RPN2: variants seen among roughly 807,000 people sequenced by gnomAD.
RPN2 encodes the protein dolichyl-diphosphooligosaccharide--protein glycosyltransferase subunit 2.
A neutral mutation model predicts 71.4 loss-of-function variants in RPN2; 29 were observed. The ratio of observed to expected loss-of-function variants is 0.41; its 90% CI spans 0.30 to 0.55. RPN2 has a LOEUF of 0.55. RPN2 is among the 20% of genes least tolerant of loss of function. The probability of loss-of-function intolerance (pLI) is 0.35; values close to 1 mark genes in which losing one functional copy is unlikely to be tolerated. For synonymous variants in RPN2, 308 were observed against 305.0 expected (o/e 1.01, Z -0.10); for missense variants, 726 against 774.1 (o/e 0.94, Z 0.74).
At chr20:37,189,466 C>A (rs1446078199) in intron 2 of RPN2, among the ~76,000 whole-genome samples, 2 of 152,040 alleles carry the variant, frequency 1.3e-5, no homozygotes, top group Admixed American at 1.3e-4. Context: ...ACCAACTGGT[C>A]CTTTACAGAA....
chr20:37,208,888 A>T (rs2067585314), intron 7 of RPN2, among the ~76,000 whole-genome samples: 1 of 152,204 alleles, frequency 6.6e-6, no homozygotes, highest in Admixed American at 6.5e-5. Flanking sequence ...GCCCCTGCAG[A>T]TATCCTCCTG....
chr20:37,209,545 A>G (rs1317489574), intron 7 of RPN2, among the ~76,000 whole-genome samples: 1 of 151,612 alleles, frequency 6.6e-6, no homozygotes, highest in Non-Finnish European at 1.5e-5. Context: ...ATCATAGCTC[A>G]TGCTAACTCT....
intron 1 of RPN2, among the ~76,000 whole-genome samples, chr20:37,181,341 C>T (rs1473904675): frequency 1.3e-5 from 2 of 152,080 alleles, no homozygotes; most frequent in African/African-American, 2.4e-5. Context: ...TTGCTTATTC[C>T]ACTCAAGCTG....
At position 37,228,604 on chromosome 20, in the gene RPN2, G is replaced by C; in HGVS notation, c.1354G>C (p.Glu452Gln). ...KTGQEVVFVA[E>Q]PDNKNVYKFE... ...TGGCCAGGAAGTGGTGTTTGTTGCCGAGCCAGACAACAAGAACGTGTACAA... is the reference window on the plus strand; with the variant it reads ...TGGCCAGGAAGTGGTGTTTGTTGCCCAGCCAGACAACAAGAACGTGTACAA... The change falls in exon 12 of 17, where the codon GAG becomes CAG. Residue 452 changes from glutamate to glutamine, a missense_variant. By Grantham distance (29) the Glu-to-Gln change is conservative. Coordinates refer to ENST00000237530, the MANE Select transcript of RPN2 (RefSeq NM_002951.5). 8 of 1,614,192 alleles carry C rather than the reference G, an allele frequency of 5.0e-6. No individual in the cohort carries two copies. The highest frequency in any genetic ancestry group is 6.8e-6 in the Non-Finnish European group (8 of 1,180,026).
intron 9 of RPN2, among the ~76,000 whole-genome samples, chr20:37,222,010 G>T (rs1600820697): frequency 6.6e-6 from 1 of 152,348 alleles, no homozygotes; most frequent in East Asian, 1.9e-4. Flanking sequence ...GCTCTCAGCA[G>T]GTGTCAAATC....
intron 9 of RPN2, among the ~76,000 whole-genome samples, chr20:37,218,527 G>A (rs2067872502): frequency 6.9e-6 from 1 of 145,906 alleles, no homozygotes; most frequent in Admixed American, 7.1e-5. Flanking sequence ...GGTCAGCATG[G>A]GGAAACCCCG....
intron 9 of RPN2, among the ~76,000 whole-genome samples, chr20:37,220,434 G>A (rs1348792184): frequency 1.3e-5 from 2 of 152,034 alleles, no homozygotes; most frequent in Non-Finnish European, 2.9e-5. Flanking sequence ...CATCGGTTTT[G>A]GACGCTCTCA....
At chr20:37,184,682 C>T (rs1164066715) in intron 2 of RPN2, among the ~76,000 whole-genome samples, 2 of 152,170 alleles carry the variant, frequency 1.3e-5, no homozygotes, top group Non-Finnish European at 2.9e-5. Flanking sequence ...ATCCCAGCTA[C>T]TCAGGAGGCT....
At chr20:37,227,167 G>A (rs1202258870) in intron 11 of RPN2, among the ~76,000 whole-genome samples, 2 of 152,186 alleles carry the variant, frequency 1.3e-5, no homozygotes, top group Non-Finnish European at 2.9e-5. Context: ...AAGCCTAACT[G>A]ACCTTTGAGT....
At chr20:37,200,360 T>TTTTTTTTA (rs1451870499) in intron 4 of RPN2, 2 of 449,330 alleles carry the variant, frequency 4.5e-6, no homozygotes, top group East Asian at 1.2e-4. Flanking sequence ...TGTAATTTTT[T>TTTTTTTTA]TTTTTTTAAC....
intron 15 of RPN2, among the ~76,000 whole-genome samples, chr20:37,236,010 CAG>C (rs1490191915): frequency 6.6e-6 from 1 of 152,040 alleles, no homozygotes; most frequent in Non-Finnish European, 1.5e-5. Flanking sequence ...TATAACATGA[CAG>C]AGGAGTTTTA....
chr20:37,199,435 C>T (rs1343710116), intron 4 of RPN2, among the ~76,000 whole-genome samples: 1 of 152,254 alleles, frequency 6.6e-6, no homozygotes, highest in Non-Finnish European at 1.5e-5. Context: ...ACACAGTCTT[C>T]TGCAAGCCTC....
chr20:37,234,745 T>C (rs1382168873), intron 15 of RPN2, among the ~76,000 whole-genome samples: 1 of 151,292 alleles, frequency 6.6e-6, no homozygotes, highest in Non-Finnish European at 1.5e-5. Flanking sequence ...CAGTGGTGCA[T>C]TCATGGCTCA....
At chr20:37,205,590 A>T (rs1004792795) in intron 6 of RPN2, among the ~76,000 whole-genome samples, 34 of 152,196 alleles carry the variant, frequency 2.2e-4, no homozygotes, top group Middle Eastern at 3.4e-3. Context: ...GAGAATTTTC[A>T]TTTCTTTATG....
intron 2 of RPN2, among the ~76,000 whole-genome samples, chr20:37,188,784 AT>A (rs958702984): frequency 1.7e-4 from 25 of 148,134 alleles, no homozygotes; most frequent in African/African-American, 2.7e-4. Context: ...GCCTAGCTAA[AT>A]TTTTTTTTTT....
intron 16 of RPN2, among the ~76,000 whole-genome samples, chr20:37,239,702 G>C (rs1879659379): frequency 6.6e-6 from 1 of 152,008 alleles, no homozygotes; most frequent in Non-Finnish European, 1.5e-5. Context: ...TAGTCATGTA[G>C]CCACCACCTC....
intron 3 of RPN2, among the ~76,000 whole-genome samples, 190 bp downstream of exon 3, chr20:37,198,682 A>G (rs1399570204): frequency 6.6e-6 from 1 of 151,664 alleles, no homozygotes; most frequent in Non-Finnish European, 1.5e-5. Context: ...TTACTTTTCA[A>G]GGGTTTTAAA....
At chr20:37,230,089 G>A (rs755242148) in intron 13 of RPN2, 30 bp downstream of exon 13, 4 of 1,545,728 alleles carry the variant, frequency 2.6e-6, no homozygotes, top group East Asian at 2.2e-5. Flanking sequence ...TCCACTAAAC[G>A]TGGGAGAAGA....
chr20:37,203,529 G>T (rs6032034), intron 4 of RPN2, among the ~76,000 whole-genome samples: 5 of 151,888 alleles, frequency 3.3e-5, no homozygotes, highest in Non-Finnish European at 5.9e-5. Context: ...TTTAGTAGAG[G>T]TGGGGTTTCA....
Sources: allele counts gnomAD v4.1 joint callset (sites outside exome capture counted in the v4.1 genomes callset), GRCh38; gene constraint gnomAD v4.1.1; transcripts MANE v1.5; gene names NCBI Gene and HGNC (gene_info 2026-07-23, HGNC 2026-07-21).